The following TRHDE variants were observed in gnomAD, a reference collection of about 807,000 sequenced individuals.
TRHDE encodes thyrotropin-releasing hormone-degrading ectoenzyme.
Under a neutral mutation model 125.7 loss-of-function variants are expected in TRHDE, and 72 were observed. The observed-to-expected ratio is 0.57, with a 90% CI of 0.47 to 0.70. TRHDE has a LOEUF of 0.70. Among genes scored for constraint, TRHDE ranks in the 30% least tolerant of loss-of-function variants. TRHDE has a pLI of 0.00. For missense variants in TRHDE, 1,110 were observed against 1,327.1 expected (o/e 0.84, Z 2.54); for synonymous variants, 509 against 509.1 (o/e 1.00, Z 0.00).
intron 2 of TRHDE, among the ~76,000 whole-genome samples, chr12:72,344,746 C>G (rs1373385169): frequency 6.6e-6 from 1 of 152,044 alleles, no homozygotes; most frequent in African/African-American, 2.4e-5. Flanking sequence ...TCCCAAGCCT[C>G]CACCCCTGAG....
chr12:72,243,192 G>A (rs181988526), intron 2 of TRHDE, among the ~76,000 whole-genome samples: 330 of 152,270 alleles, frequency 2.2e-3, no homozygotes, highest in African/African-American at 7.4e-3. Context: ...GACTTCCTGC[G>A]ATGAATGCTA....
intron 15 of TRHDE, among the ~76,000 whole-genome samples, chr12:72,629,043 T>C (rs1309584570): frequency 6.6e-6 from 1 of 151,860 alleles, no homozygotes; most frequent in Non-Finnish European, 1.5e-5. Flanking sequence ...AGTTTTTATA[T>C]AGCAGGGACT....
chr12:72,572,555 A>T (rs751400398), intron 10 of TRHDE, among the ~76,000 whole-genome samples: 1 of 152,112 alleles, frequency 6.6e-6, no homozygotes, highest in Non-Finnish European at 1.5e-5. Flanking sequence ...AACTGAAAAG[A>T]TAGTTAAAAA....
At chr12:72,452,141 G>C (rs1020358009) in intron 3 of TRHDE, among the ~76,000 whole-genome samples, 1 of 151,786 alleles carries the variant, frequency 6.6e-6, no homozygotes, top group Admixed American at 6.6e-5. Context: ...GGGTTTTATA[G>C]TTTTCATCAT....
At chr12:72,250,594 T>G (rs1878659801) in intron 2 of TRHDE, among the ~76,000 whole-genome samples, 1 of 152,006 alleles carries the variant, frequency 6.6e-6, no homozygotes, top group South Asian at 2.1e-4. Context: ...AATCTTTCTA[T>G]TAAGTTGCAA....
intron 6 of TRHDE, among the ~76,000 whole-genome samples, chr12:72,540,632 C>T (rs554424052): frequency 1.3e-5 from 2 of 151,560 alleles, no homozygotes; most frequent in South Asian, 4.2e-4. Flanking sequence ...TTTCCACCCT[C>T]GGGATGGGTC....
intron 2 of TRHDE, among the ~76,000 whole-genome samples, chr12:72,153,690 G>T (rs566260256): frequency 2.0e-5 from 3 of 151,546 alleles, no homozygotes; most frequent in South Asian, 4.2e-4. Context: ...TTCAGTTTCC[G>T]TGTAGTTGAG....
intron 2 of TRHDE, among the ~76,000 whole-genome samples, chr12:72,175,604 C>T (rs566929207): frequency 3.3e-4 from 50 of 152,276 alleles, no homozygotes; most frequent in African/African-American, 1.2e-3. Context: ...CTTCTTAGTT[C>T]TCAGAGTCAA....
intron 2 of TRHDE, among the ~76,000 whole-genome samples, chr12:72,181,435 C>T (rs1042788147): frequency 6.6e-6 from 1 of 152,122 alleles, no homozygotes; most frequent in African/African-American, 2.4e-5. Flanking sequence ...ACTTGTGCAG[C>T]TTCTTCAAAG....
At chr12:72,287,577 GACACAC>G (rs10606890) in intron 2 of TRHDE, among the ~76,000 whole-genome samples, 93 of 147,792 alleles carry the variant, frequency 6.3e-4, no homozygotes, top group Non-Finnish European at 1.0e-3. Context: ...TCTATGTATA[GACACAC>G]ACACACACAC....
chr12:72,564,115 T>TTC (rs915120046), intron 9 of TRHDE, among the ~76,000 whole-genome samples: 1 of 152,138 alleles, frequency 6.6e-6, no homozygotes, highest in African/African-American at 2.4e-5. Flanking sequence ...AAGCAGTGTC[T>TTC]TCTATCTCTC....
Position 72,663,264 on chromosome 12 carries a change from G to C in TRHDE, c.*69G>C. On this transcript the variant is annotated 3_prime_UTR_variant, in exon 19 of 19. Coordinates refer to ENST00000261180, the MANE Select transcript of TRHDE (RefSeq NM_013381.3). ...AGAAGACACGCTTTTTGTGGAATGA[G>C]GAAAATGTACTACCTAGAAAATGGC... 1.0e-5 allele frequency: 14 copies of C among 1,334,550 alleles called. No homozygotes were observed. Among genetic ancestry groups the C allele is most frequent in the Non-Finnish European group, 1.4e-5 (14 of 995,014 alleles). 82.7% of individuals were successfully genotyped at this position (1,334,550 alleles called of 1,614,324 possible). A position where few individuals can be genotyped will look rare whatever the true frequency, so the allele number is the denominator to read the frequency against.
At chr12:72,104,798 T>C (rs949021549) in intron 1 of TRHDE, among the ~76,000 whole-genome samples, 1 of 152,182 alleles carries the variant, frequency 6.6e-6, no homozygotes, top group Non-Finnish European at 1.5e-5. Flanking sequence ...TTTATTGACA[T>C]ATGTAACTCA....
Position 72,272,437 on chromosome 12 carries a change from G to A in TRHDE, c.-207G>A, listed in dbSNP as rs908012452. The A allele has an allele frequency of 6.3e-6, 3 of 473,384 alleles. No homozygotes were observed. The highest frequency in any genetic ancestry group is 4.4e-5 in the South Asian group (2 of 45,706). The allele number at this position is 473,384 out of a possible 1,614,324, so 29.3% of individuals were successfully genotyped here. A position where few individuals can be genotyped will look rare whatever the true frequency, so the allele number is the denominator to read the frequency against. On this transcript the variant is annotated 5_prime_UTR_variant, in exon 1 of 19. Transcript: ENST00000261180. This position sits in a 1 kb window ranked among gnomAD's most constrained non-coding sequence, Gnocchi z 6.7. ...GGGCGCGTCCCAGAGCTCACAGCCC[G>A]GTGTCCAGAGTGAGGCGGGGCTGAT...
chr12:72,213,742 A>C (rs1360812586), intron 2 of TRHDE, among the ~76,000 whole-genome samples: 1 of 152,174 alleles, frequency 6.6e-6, no homozygotes, highest in Non-Finnish European at 1.5e-5. Flanking sequence ...CCATAACATA[A>C]AACAAAATTT....
Position 72,410,869 on chromosome 12 carries a change from A to AC in TRHDE, c.1315+32748_1315+32749insC, listed in dbSNP as rs770032968. Among the ~76,000 whole-genome samples, 193 of 147,176 alleles carry AC rather than the reference A, an allele frequency of 1.3e-3. 1 individual carries two copies. The highest frequency in any genetic ancestry group is 1.7e-3 in the African/African-American group (66 of 39,176). ...AGCCTGACCCAAATAAGATAAGCAG[A>AC]TAAAAAAAAAAAAAAAGATTTGAGA... On this transcript the variant is annotated intron_variant, in intron 3 of 18. Transcript: ENST00000261180.
At chr12:72,508,610 G>A (rs1878453207) in intron 6 of TRHDE, among the ~76,000 whole-genome samples, 1 of 152,168 alleles carries the variant, frequency 6.6e-6, no homozygotes, top group Admixed American at 6.5e-5. Flanking sequence ...AGGCTTATAG[G>A]TGGAAGAGGT....
intron 2 of TRHDE, among the ~76,000 whole-genome samples, chr12:72,206,080 G>T (rs905071691): frequency 6.6e-6 from 1 of 150,688 alleles, no homozygotes; most frequent in African/African-American, 2.5e-5. Context: ...TTATGCCAAA[G>T]GACAGATTTT....
intron 2 of TRHDE, among the ~76,000 whole-genome samples, chr12:72,210,513 G>T (rs1470983765): frequency 6.6e-6 from 1 of 152,134 alleles, no homozygotes; most frequent in African/African-American, 2.4e-5. Flanking sequence ...TTCAATATTT[G>T]TGTTAATGGA....
Sources: gnomAD v4.1 joint callset for allele counts (sites outside exome capture counted in the v4.1 genomes callset) on GRCh38, gnomAD v4.1.1 for gene constraint, Gnocchi (gnomAD v3.1) non-coding constraint, MANE v1.5 for transcripts, NCBI Gene and HGNC (gene_info 2026-07-23, HGNC 2026-07-21) for gene names.